Variants in TASP1 observed in about 807,000 individuals in gnomAD.
TASP1 encodes the protein taspase 1.
In TASP1, 16 loss-of-function variants were observed where a neutral mutation model predicts 56.6. The ratio of observed to expected loss-of-function variants is 0.28; its 90% CI spans 0.19 to 0.43. The LOEUF (loss-of-function observed/expected upper bound fraction) is 0.43. TASP1 is among the 20% of genes least tolerant of loss of function. The pLI is 1.00. For missense variants in TASP1, 393 were observed against 511.6 expected (o/e 0.77, Z 2.24); for synonymous variants, 179 against 184.2 (o/e 0.97, Z 0.23).
Position 13,390,163 on chromosome 20 carries a change from C to T in TASP1, c.*197G>A, listed in dbSNP as rs2041219161. ...GTGCGCACATACGCGCACACACTCA[C>T]ACACAGTCCCGCTCACCCACCAAAG... On this transcript the variant is annotated 3_prime_UTR_variant, in exon 14 of 14. Transcript: ENST00000337743. 1 of 552,040 alleles carries T rather than the reference C, an allele frequency of 1.8e-6. No homozygotes were observed. Among genetic ancestry groups the T allele is most frequent in the African/African-American group, 1.9e-5 (1 of 52,650 alleles). 34.2% of individuals were successfully genotyped at this position (552,040 alleles called of 1,614,324 possible). A position where few individuals can be genotyped will look rare whatever the true frequency, so the allele number is the denominator to read the frequency against.
the TASP1 span, among the ~76,000 whole-genome samples, chr20:13,298,306 CT>C: frequency 2.0e-5 from 3 of 152,074 alleles, no homozygotes; most frequent in African/African-American, 7.2e-5. Context: ...GGGGTTTCAC[CT>C]TGTTGGCCAG....
chr20:13,220,861 G>T, the TASP1 span, among the ~76,000 whole-genome samples: 25 of 152,292 alleles, frequency 1.6e-4, no homozygotes, highest in African/African-American at 5.8e-4. Context: ...GCCAATAAAG[G>T]TTTCTAAAGC....
intron 11 of TASP1, among the ~76,000 whole-genome samples, chr20:13,435,462 A>T (rs1359670820): frequency 6.6e-6 from 1 of 152,188 alleles, no homozygotes; most frequent in Non-Finnish European, 1.5e-5. Flanking sequence ...CAAATACAGG[A>T]AAAAATGCTC....
chr20:13,366,781 T>C, the TASP1 span, among the ~76,000 whole-genome samples: 3 of 152,184 alleles, frequency 2.0e-5, no homozygotes, highest in Non-Finnish European at 2.9e-5. Flanking sequence ...GAGAACATTC[T>C]TATAGTTGCA....
intron 6 of TASP1, among the ~76,000 whole-genome samples, chr20:13,577,421 A>G (rs1264912846): frequency 6.6e-6 from 1 of 152,112 alleles, no homozygotes. Flanking sequence ...TGATTTTTTT[A>G]CCCTACAATG....
the TASP1 span, among the ~76,000 whole-genome samples, chr20:13,293,469 C>T: frequency 6.6e-6 from 1 of 151,850 alleles, no homozygotes; most frequent in Non-Finnish European, 1.5e-5. Context: ...CACCTCTGCC[C>T]TGCCTCCTCA....
the TASP1 span, among the ~76,000 whole-genome samples, chr20:13,300,832 C>G: frequency 6.6e-6 from 1 of 152,202 alleles, no homozygotes; most frequent in Non-Finnish European, 1.5e-5. Context: ...ACCCAACCCC[C>G]AGGAGGCTGA....
chr20:13,107,490 C>T, the TASP1 span, among the ~76,000 whole-genome samples: 2 of 151,954 alleles, frequency 1.3e-5, no homozygotes, highest in African/African-American at 4.8e-5. Flanking sequence ...TCAAGTAGAA[C>T]AAGAACTGAA....
the TASP1 span, among the ~76,000 whole-genome samples, chr20:13,140,870 A>G: frequency 6.6e-6 from 1 of 152,192 alleles, no homozygotes; most frequent in Non-Finnish European, 1.5e-5. Flanking sequence ...TGTGCGAATT[A>G]TTTCATTTAC....
chr20:13,527,535 A>C (rs974560145), intron 10 of TASP1, among the ~76,000 whole-genome samples: 1 of 152,202 alleles, frequency 6.6e-6, no homozygotes, highest in African/African-American at 2.4e-5. Flanking sequence ...AGGCATGATT[A>C]AAGTATGGAA....
At chr20:13,127,826 T>C in the TASP1 span, among the ~76,000 whole-genome samples, 1 of 152,198 alleles carries the variant, frequency 6.6e-6, no homozygotes, top group East Asian at 1.9e-4. Context: ...ATCTCTAGGA[T>C]CCCTTCCAGG....
chr20:13,411,185 T>A (rs1248114191), intron 13 of TASP1, among the ~76,000 whole-genome samples: 3 of 152,186 alleles, frequency 2.0e-5, no homozygotes, highest in African/African-American at 4.8e-5. Context: ...TTGGTCTATA[T>A]GCCTGTTTTT....
At chr20:13,283,556 C>A in the TASP1 span, among the ~76,000 whole-genome samples, 1 of 152,118 alleles carries the variant, frequency 6.6e-6, no homozygotes, top group Non-Finnish European at 1.5e-5. Flanking sequence ...GAAGACAGAC[C>A]CCACTTGTGA....
At chr20:13,200,976 G>A in the TASP1 span, among the ~76,000 whole-genome samples, 1 of 152,184 alleles carries the variant, frequency 6.6e-6, no homozygotes, top group Non-Finnish European at 1.5e-5. Context: ...GTGCTTAGAA[G>A]CTAAGTGGCT....
the TASP1 span, among the ~76,000 whole-genome samples, chr20:13,341,003 A>T: frequency 6.6e-6 from 1 of 152,198 alleles, no homozygotes; most frequent in Non-Finnish European, 1.5e-5. Flanking sequence ...CAGTAATATT[A>T]TGTGCTGAGT....
intron 10 of TASP1, among the ~76,000 whole-genome samples, chr20:13,497,743 A>T (rs2043786406): frequency 6.6e-6 from 1 of 152,194 alleles, no homozygotes; most frequent in South Asian, 2.1e-4. Flanking sequence ...TTATACTACA[A>T]AGCTACAATA....
the TASP1 span, among the ~76,000 whole-genome samples, chr20:13,361,181 C>A: frequency 5.9e-5 from 9 of 152,156 alleles, no homozygotes; most frequent in East Asian, 1.9e-4. Context: ...TAGCTTTACT[C>A]AACATGCCCT....
chr20:13,348,827 A>G, the TASP1 span, among the ~76,000 whole-genome samples: 1 of 152,140 alleles, frequency 6.6e-6, no homozygotes, highest in African/African-American at 2.4e-5. Flanking sequence ...GCCCTAGAGG[A>G]ATATTTCCCT....
the TASP1 span, among the ~76,000 whole-genome samples, chr20:13,356,701 C>T: frequency 2.6e-5 from 4 of 152,164 alleles, no homozygotes; most frequent in African/African-American, 7.2e-5. Context: ...AAATCATGAA[C>T]TTTGCCCAGA....
Sources: allele counts gnomAD v4.1 joint callset (sites outside exome capture counted in the v4.1 genomes callset), GRCh38; gene constraint gnomAD v4.1.1; transcripts MANE v1.5; gene names NCBI Gene and HGNC (gene_info 2026-07-23, HGNC 2026-07-21).